Variants in KCNMB2 observed in about 807,000 individuals in gnomAD.
KCNMB2 encodes calcium-activated potassium channel subunit beta-2.
Under a neutral mutation model 24.5 loss-of-function variants are expected in KCNMB2, and 9 were observed. The ratio of observed to expected loss-of-function variants is 0.37; its 90% confidence interval spans 0.22 to 0.64. KCNMB2 has a LOEUF of 0.64. Ranked by LOEUF, KCNMB2 falls within the 30% of genes least tolerant of loss-of-function variation. KCNMB2 has a pLI of 0.63. For missense variants in KCNMB2, 226 were observed against 284.3 expected, an observed-to-expected ratio of 0.79 and a Z score of 1.47; for synonymous variants, 109 against 104.4, an observed-to-expected ratio of 1.04 and a Z score of -0.27.
At chr3:178,788,334 T>C (rs557194792) in intron 1 of KCNMB2, among the ~76,000 whole-genome samples, 11 of 152,296 alleles carry the variant, frequency 7.2e-5, no homozygotes, top group African/African-American at 2.6e-4. Context: ...TCACTAAAGG[T>C]AAATTATCAA....
chr3:178,820,567 T>A (rs1714584384), intron 2 of KCNMB2: 1 of 152,988 alleles, frequency 6.5e-6, no homozygotes, highest in Non-Finnish European at 1.5e-5. Flanking sequence ...GAGGAAAAAC[T>A]TTCTTTCACA....
intron 1 of KCNMB2, among the ~76,000 whole-genome samples, chr3:178,541,064 C>A (rs1427971041): frequency 3.3e-5 from 5 of 152,180 alleles, no homozygotes; most frequent in Admixed American, 1.3e-4. Flanking sequence ...AGATTTTCAA[C>A]CTCAGAGTCA....
intron 1 of KCNMB2, among the ~76,000 whole-genome samples, chr3:178,759,487 A>ATCTCCAAGAGGATATATATATATC (rs1711605803): frequency 9.3e-6 from 1 of 107,124 alleles, no homozygotes; most frequent in African/African-American, 4.0e-5. Flanking sequence ...ATATATATAT[A>ATCTCCAAGAGGATATATATATATC]TCTCCAAGAG....
intron 1 of KCNMB2, among the ~76,000 whole-genome samples, chr3:178,657,931 T>C (rs1720400277): frequency 6.6e-6 from 1 of 152,228 alleles, no homozygotes; most frequent in Non-Finnish European, 1.5e-5. Flanking sequence ...TGCATCCTAA[T>C]GACCTAATTG....
intron 2 of KCNMB2, among the ~76,000 whole-genome samples, chr3:178,822,020 T>C (rs56174135): frequency 0.026 from 3,911 of 152,254 alleles, 157 homozygotes; most frequent in African/African-American, 0.089. Context: ...TGAAACTCAA[T>C]CGTGTCACCC....
At chr3:178,676,942 C>A (rs1157138718) in intron 1 of KCNMB2, among the ~76,000 whole-genome samples, 1 of 152,070 alleles carries the variant, frequency 6.6e-6, no homozygotes, top group Non-Finnish European at 1.5e-5. Flanking sequence ...GGAAATGGAG[C>A]CTGGGAGAAG....
intron 1 of KCNMB2, among the ~76,000 whole-genome samples, chr3:178,695,052 G>C (rs548361068): frequency 1.3e-5 from 2 of 152,246 alleles, no homozygotes; most frequent in Non-Finnish European, 2.9e-5. Context: ...ATTTCTATAC[G>C]TCCTCTGAAA....
intron 1 of KCNMB2, among the ~76,000 whole-genome samples, chr3:178,720,666 T>C (rs1164950104): frequency 1.6e-4 from 20 of 124,866 alleles, no homozygotes; most frequent in East Asian, 4.4e-4. Context: ...TTTTAATGAT[T>C]GCCATTCTAA....
intron 1 of KCNMB2, among the ~76,000 whole-genome samples, chr3:178,744,947 C>T (rs959657992): frequency 6.6e-6 from 1 of 152,124 alleles, no homozygotes; most frequent in African/African-American, 2.4e-5. Flanking sequence ...CCATAAAGCC[C>T]CACTTCAAAT....
chr3:178,676,894 C>T (rs1721088517), intron 1 of KCNMB2, among the ~76,000 whole-genome samples: 1 of 152,128 alleles, frequency 6.6e-6, no homozygotes, highest in African/African-American at 2.4e-5. Context: ...ACTGAGCCCT[C>T]ACTAGAGTGT....
intron 1 of KCNMB2, among the ~76,000 whole-genome samples, chr3:178,680,898 G>A (rs928807068): frequency 2.0e-5 from 3 of 152,134 alleles, no homozygotes; most frequent in African/African-American, 7.2e-5. Context: ...ATAAGTGCCT[G>A]AAGGACTGTC....
chr3:178,757,934 TACACAAGGGG>T lies in KCNMB2; in HGVS notation c.-67-49407_-67-49398del, dbSNP rs1724212135. Among the ~76,000 whole-genome samples, 6 of 96,060 alleles carry T rather than the reference TACACAAGGGG, an allele frequency of 6.2e-5. 2 individuals are homozygous for T. The highest frequency in any genetic ancestry group is 1.2e-4 in the Admixed American group (1 of 8,098). The allele number at this position is 96,060 out of a possible 152,430, so 63.0% of individuals were successfully genotyped here. A position where few individuals can be genotyped will look rare whatever the true frequency, so the allele number is the denominator to read the frequency against. ...ATATATATCCAAGAGGATATATATA[TACACAAGGGG>T]ATATATAGACACAAGAGGATATATA... On this transcript the variant is annotated intron_variant, in intron 1 of 4. Transcript: ENST00000452583.
intron 1 of KCNMB2, among the ~76,000 whole-genome samples, chr3:178,660,211 T>C (rs1176483880): frequency 6.6e-6 from 1 of 152,186 alleles, no homozygotes; most frequent in Non-Finnish European, 1.5e-5. Context: ...TCTCTTAGTA[T>C]TTACATTGCA....
chr3:178,674,070 C>T (rs567003386), intron 1 of KCNMB2, among the ~76,000 whole-genome samples: 1 of 152,178 alleles, frequency 6.6e-6, no homozygotes, highest in Non-Finnish European at 1.5e-5. Flanking sequence ...GTCCCCTCTT[C>T]ATCCATCAAT....
At chr3:178,609,869 A>T in intron 1 of KCNMB2, among the ~76,000 whole-genome samples, 1 of 151,970 alleles carries the variant, frequency 6.6e-6, no homozygotes, top group Admixed American at 6.6e-5. Flanking sequence ...AGCTCCTGGG[A>T]TCAAGCAATC....
rs992841783 is a variant in KCNMB2 at position 178,536,673 on chromosome 3, T to A, written c.-106T>A. 6.6e-6 allele frequency: 1 copy of A among 152,248 alleles called. No homozygotes were observed. The highest frequency in any genetic ancestry group is 1.5e-5 in the Non-Finnish European group (1 of 68,038). 9.4% of individuals were successfully genotyped at this position (152,248 alleles called of 1,614,324 possible). On this transcript the variant is annotated 5_prime_UTR_variant, in exon 1 of 5. Transcript: ENST00000452583. Reference sequence around the variant, plus strand: ...GCACCGGATCGCTGTCATTAAAAATTAAGCGTGGCTTTTGAGGAAGATGTG... The same window carrying A: ...GCACCGGATCGCTGTCATTAAAAATAAAGCGTGGCTTTTGAGGAAGATGTG...
chr3:178,706,628 A>G (rs1181937882), intron 1 of KCNMB2, among the ~76,000 whole-genome samples: 1 of 152,048 alleles, frequency 6.6e-6, no homozygotes, highest in Non-Finnish European at 1.5e-5. Context: ...CCAGTTTGTA[A>G]TCCCTCTGCC....
At chr3:178,811,364 C>T (rs1022883559) in intron 2 of KCNMB2, among the ~76,000 whole-genome samples, 1 of 152,144 alleles carries the variant, frequency 6.6e-6, no homozygotes, top group Non-Finnish European at 1.5e-5. Flanking sequence ...GAATTTTGGG[C>T]ATATCATTCC....
chr3:178,704,597 T>C (rs1722216124), intron 1 of KCNMB2, among the ~76,000 whole-genome samples: 1 of 152,184 alleles, frequency 6.6e-6, no homozygotes, highest in Non-Finnish European at 1.5e-5. Context: ...TCAGTGCTTC[T>C]CTAGACAAGT....
Sources: allele counts gnomAD v4.1 joint callset (sites outside exome capture counted in the v4.1 genomes callset), GRCh38; gene constraint gnomAD v4.1.1; transcripts MANE v1.5; gene names NCBI Gene and HGNC (gene_info 2026-07-23, HGNC 2026-07-21).